The following C6orf62 variants were observed in gnomAD, a reference collection of about 807,000 sequenced individuals.
C6orf62 encodes uncharacterized protein C6orf62.
Under a neutral mutation model 26.8 loss-of-function variants are expected in C6orf62, and 16 were observed. That is an observed-to-expected ratio of 0.60 (90% CI 0.40 to 0.91). The LOEUF is 0.91. Among genes scored for constraint, C6orf62 ranks in the 40% least tolerant of loss-of-function variants. C6orf62 has a pLI of 0.00. For missense variants in C6orf62, 192 were observed against 271.4 expected, an observed-to-expected ratio of 0.71 and a Z score of 2.06; for synonymous variants, 112 against 91.5, an observed-to-expected ratio of 1.22 and a Z score of -1.28.
At chr6:24,718,453 T>C (rs1376254403) in intron 1 of C6orf62, 87 bp downstream of exon 1, 2 of 1,309,468 alleles carry the variant, frequency 1.5e-6, no homozygotes, top group Non-Finnish European at 2.1e-6. Context: ...CTCTTTAACC[T>C]AATATTCATA....
rs775008818 is a variant in C6orf62, at chr6:24,706,164, A to C, written c.663T>G (p.Asp221Glu). The change falls in exon 5 of 5, where the codon GAT becomes GAG. Residue 221 changes from aspartate (D) to glutamate (E), a missense_variant. Physicochemically the swap from Asp to Glu is conservative, Grantham distance 45. Transcript: ENST00000378119. ...ACTCTGGCATATAAGGACGGAGGTGATCCTCTATGGTGCCAACTGCCCAGT... is the reference window on the plus strand; with the variant it reads ...ACTCTGGCATATAAGGACGGAGGTGCTCCTCTATGGTGCCAACTGCCCAGT... ...LTHWAVGTIE[D>E]HLRPYMPE The C allele has an allele frequency of 6.2e-7, 1 of 1,614,230 alleles. No individual in the cohort carries two copies. The highest frequency in any genetic ancestry group is 1.1e-5 in the South Asian group (1 of 91,088).
chr6:24,709,073 G>A (rs1180577959), intron 3 of C6orf62, 162 bp from the exon 4 acceptor site: 2 of 985,174 alleles, frequency 2.0e-6, no homozygotes, highest in Non-Finnish European at 2.4e-6. Flanking sequence ...TAATATCACA[G>A]GCAAAATTTA....
In C6orf62 at chr6:24,714,514, G is replaced by T. The variant is rs1293995945; in HGVS notation, c.307-74C>A. 5 of 1,141,742 alleles carry T rather than the reference G, an allele frequency of 4.4e-6. No individual in the cohort carries two copies. The East Asian group carries it at 9.9e-5, about 23-fold the overall frequency. 70.7% of individuals were successfully genotyped at this position (1,141,742 alleles called of 1,614,324 possible). ...CATCAAGCCATGTCACAAATTATAG[G>T]GTTCCCCTATAAAAACATTTTATAA... On this transcript the variant is annotated intron_variant, in intron 2 of 4. Coordinates refer to ENST00000378119, the MANE Select transcript of C6orf62 (RefSeq NM_030939.5).
In C6orf62 at chr6:24,704,937, T is replaced by C. The variant is rs1778973948; in HGVS notation, c.*1200A>G. Reference sequence around the variant, plus strand: ...TTTCTTTTTCTTTTTTTCTTTTTTTTTCAAATTCCAACCAGAAGCTAAATA... The same window carrying C: ...TTTCTTTTTCTTTTTTTCTTTTTTTCTCAAATTCCAACCAGAAGCTAAATA... On this transcript the variant is annotated 3_prime_UTR_variant, in exon 5 of 5. Transcript: ENST00000378119. 6.6e-6 allele frequency: 1 copy of C among 152,452 alleles called. No individual in the cohort carries two copies. Among genetic ancestry groups the C allele is most frequent in the Admixed American group, 6.5e-5 (1 of 15,270 alleles). 9.4% of individuals were successfully genotyped at this position (152,452 alleles called of 1,614,324 possible). A position where few individuals can be genotyped will look rare whatever the true frequency, so the allele number is the denominator to read the frequency against.
At chr6:24,714,469 T>A in intron 2 of C6orf62, 29 bp from the exon 3 acceptor site, 1 of 1,509,342 alleles carries the variant, frequency 6.6e-7, no homozygotes, top group Non-Finnish European at 9.0e-7. Flanking sequence ...AAAAAAAGTT[T>A]ACTTTTAAAG....
chr6:24,716,345 G>T, intron 1 of C6orf62, 21 bp from the exon 2 acceptor site: 1 of 1,592,184 alleles, frequency 6.3e-7, no homozygotes, highest in Non-Finnish European at 8.6e-7. Context: ...AGAAAATGGT[G>T]TATTAACCCA....
intron 3 of C6orf62, among the ~76,000 whole-genome samples, chr6:24,712,576 G>A (rs1218894192): frequency 6.6e-6 from 1 of 151,274 alleles, no homozygotes; most frequent in Non-Finnish European, 1.5e-5. Context: ...GGCTAAGGCA[G>A]GAGAATCATT....
Position 24,716,145 on chromosome 6 carries a change from T to C in C6orf62, c.306+3A>G, listed in dbSNP as rs1019549306. 1.2e-6 allele frequency: 2 copies of C among 1,612,474 alleles called. No homozygotes were observed. The highest frequency in any genetic ancestry group is 8.5e-7 in the Non-Finnish European group (1 of 1,178,850). ...TCAAGTCAAGACTTAAGGCAGAACT[T>C]ACCCTTCTCATAGACTGATATCGAG... On this transcript the variant is annotated splice_donor_region_variant and intron_variant, in intron 2 of 4. Coordinates refer to ENST00000378119, the MANE Select transcript of C6orf62 (RefSeq NM_030939.5).
chr6:24,710,233 C>G, intron 3 of C6orf62: 1 of 985,118 alleles, frequency 1.0e-6, no homozygotes, highest in Non-Finnish European at 1.2e-6. Context: ...AAATCCTTTC[C>G]CAGAATAAGA....
intron 3 of C6orf62, among the ~76,000 whole-genome samples, chr6:24,711,617 A>G (rs1466174861): frequency 6.6e-6 from 1 of 152,164 alleles, no homozygotes; most frequent in Non-Finnish European, 1.5e-5. Context: ...CAACAAAGTG[A>G]GACCCCATCT....
At chr6:24,715,372 TC>T (rs1292820456) in intron 2 of C6orf62, among the ~76,000 whole-genome samples, 1 of 151,848 alleles carries the variant, frequency 6.6e-6, no homozygotes, top group African/African-American at 2.4e-5. Flanking sequence ...ATATTCATAT[TC>T]CCCCCAAAAA....
rs1581401629 is a variant in C6orf62 at position 24,719,147 on chromosome 6, T to C, written c.-479A>G. The C allele has an allele frequency of 2.1e-6, 2 of 938,552 alleles. No homozygotes were observed. Among genetic ancestry groups the C allele is most frequent in the Non-Finnish European group, 2.5e-6 (2 of 811,266 alleles). 58.1% of individuals were successfully genotyped at this position (938,552 alleles called of 1,614,324 possible). ...GAACAGGGAGGGGGAAGTGTGATCC[T>C]TGCTTTCCAAAAAAAAAAAAAAAAA... On this transcript the variant is annotated 5_prime_UTR_variant, in exon 1 of 5. Transcript: ENST00000378119.
intron 3 of C6orf62, chr6:24,709,300 A>G: frequency 2.0e-6 from 2 of 985,432 alleles, no homozygotes; most frequent in Non-Finnish European, 2.4e-6. Flanking sequence ...CTCCACGATC[A>G]TAAAATTGTA....
chr6:24,710,109 C>A (rs1308630101), intron 3 of C6orf62: 1 of 984,488 alleles, frequency 1.0e-6, no homozygotes, highest in African/African-American at 1.7e-5. Flanking sequence ...ATAAGCATAT[C>A]AAAAGCATGC....
intron 3 of C6orf62, among the ~76,000 whole-genome samples, chr6:24,711,745 G>C (rs1779125779): frequency 6.6e-6 from 1 of 152,066 alleles, no homozygotes; most frequent in Non-Finnish European, 1.5e-5. Context: ...CATTTTCTTT[G>C]AGAAAGAACT....
chr6:24,719,032 G>A lies in C6orf62; in HGVS notation c.-364C>T, dbSNP rs1779297344. On this transcript the variant is annotated 5_prime_UTR_variant, in exon 1 of 5. Transcript: ENST00000378119. ...CGGAGAAATGAAAAGCCTATAATCA[G>A]GATTTAGGTGTGCAATAAAACACAG... The A allele has an allele frequency of 2.8e-6, 3 of 1,075,858 alleles. No homozygotes were observed. Among genetic ancestry groups the A allele is most frequent in the Non-Finnish European group, 3.4e-6 (3 of 885,592 alleles). 66.6% of individuals were successfully genotyped at this position (1,075,858 alleles called of 1,614,324 possible).
At chr6:24,709,811 G>A (rs1480016487) in intron 3 of C6orf62, 2 of 985,326 alleles carry the variant, frequency 2.0e-6, no homozygotes, top group African/African-American at 1.7e-5. Context: ...AGGCTTGATG[G>A]AGAATTCAAG....
At chr6:24,709,014 G>A (rs1395041728) in intron 3 of C6orf62, 103 bp from the exon 4 acceptor site, 17 of 1,515,476 alleles carry the variant, frequency 1.1e-5, no homozygotes, top group East Asian at 2.3e-5. Flanking sequence ...CCAACAGTCC[G>A]TTATCTTTTC....
At chr6:24,708,486 C>T (rs1432478741) in intron 4 of C6orf62, among the ~76,000 whole-genome samples, 1 of 152,142 alleles carries the variant, frequency 6.6e-6, no homozygotes, top group Non-Finnish European at 1.5e-5. Context: ...TACAGGCACA[C>T]GCCACCATGC....
Sources: allele counts gnomAD v4.1 joint callset (sites outside exome capture counted in the v4.1 genomes callset), GRCh38; gene constraint gnomAD v4.1.1; transcripts MANE v1.5; gene names NCBI Gene and HGNC (gene_info 2026-07-23, HGNC 2026-07-21).